KIAA1217: variants seen among roughly 807,000 people sequenced by gnomAD.
KIAA1217 encodes KIAA1217.
KIAA1217 carries 88 observed loss-of-function variants against 163.9 expected under a neutral mutation model. The ratio of observed to expected loss-of-function variants is 0.54; its 90% CI spans 0.45 to 0.64. The LOEUF (loss-of-function observed/expected upper bound fraction) is 0.64. KIAA1217 is among the 30% of genes least tolerant of loss of function. KIAA1217 has a pLI of 0.00. For missense variants in KIAA1217, 2,372 were observed against 2,475.0 expected, an observed-to-expected ratio of 0.96 and a Z score of 0.88; for synonymous variants, 903 against 923.1, an observed-to-expected ratio of 0.98 and a Z score of 0.39.
intron 5 of KIAA1217, among the ~76,000 whole-genome samples, chr10:24,465,186 C>G (rs539729947): frequency 7.9e-5 from 12 of 152,050 alleles, no homozygotes; most frequent in Non-Finnish European, 1.8e-4. Context: ...ATAACAAACC[C>G]TTGCTGATTA....
chr10:23,892,723 A>G (rs1342767082), intron 1 of KIAA1217, among the ~76,000 whole-genome samples: 1 of 152,092 alleles, frequency 6.6e-6, no homozygotes, highest in East Asian at 2.0e-4. Flanking sequence ...CAAGATTCAC[A>G]AATTTGAGAG....
intron 1 of KIAA1217, among the ~76,000 whole-genome samples, chr10:23,872,802 A>G: frequency 6.6e-6 from 1 of 151,990 alleles, no homozygotes; most frequent in East Asian, 1.9e-4. Flanking sequence ...ATTTATATAC[A>G]CTTAATTTTT....
intron 1 of KIAA1217, among the ~76,000 whole-genome samples, chr10:23,720,393 T>C (rs751993726): frequency 5.9e-5 from 9 of 152,208 alleles, no homozygotes; most frequent in Non-Finnish European, 8.8e-5. Context: ...AGGAAATGTC[T>C]AAGTCCTAGA....
At chr10:24,177,664 GA>G (rs907647781) in intron 2 of KIAA1217, among the ~76,000 whole-genome samples, 3 of 151,604 alleles carry the variant, frequency 2.0e-5, no homozygotes, top group Admixed American at 6.6e-5. Flanking sequence ...TCTCAACTCA[GA>G]AAAAAAGTAC....
In KIAA1217 at chr10:24,449,455, G is replaced by A. The variant is rs150735513; in HGVS notation, c.846+10976G>A. 555 of 985,162 alleles carry A rather than the reference G, an allele frequency of 5.6e-4. 1 individual carries two copies. In the African/African-American group the frequency reaches 7.6e-3, roughly 13 times the overall value. 61.0% of individuals were successfully genotyped at this position (985,162 alleles called of 1,614,324 possible). On this transcript the variant is annotated intron_variant, in intron 5 of 20. Coordinates refer to ENST00000376454, the MANE Select transcript of KIAA1217 (RefSeq NM_019590.5). ...AGAACACATGGAAGAAACATTTCTCGTTAGTTCAGCATTGGTTTTAGTTAT... is the reference window on the plus strand; with the variant it reads ...AGAACACATGGAAGAAACATTTCTCATTAGTTCAGCATTGGTTTTAGTTAT...
chr10:23,961,692 T>A (rs1464519547), intron 1 of KIAA1217, among the ~76,000 whole-genome samples: 2 of 152,194 alleles, frequency 1.3e-5, no homozygotes, highest in Non-Finnish European at 2.9e-5. Context: ...AGGTGGTATA[T>A]GAGTTTCAAA....
intron 2 of KIAA1217, among the ~76,000 whole-genome samples, chr10:24,152,584 T>C (rs2064670501): frequency 6.6e-6 from 1 of 152,242 alleles, no homozygotes; most frequent in South Asian, 2.1e-4. Context: ...GCAGAGATTA[T>C]GTTACTTCTG....
chr10:23,879,375 C>G (rs983600455), intron 1 of KIAA1217, among the ~76,000 whole-genome samples: 4 of 151,740 alleles, frequency 2.6e-5, no homozygotes, highest in African/African-American at 7.3e-5. Context: ...ATTTAAAGGT[C>G]AAGGATATGA....
At chr10:23,792,066 T>G (rs1835974210) in intron 1 of KIAA1217, among the ~76,000 whole-genome samples, 1 of 152,218 alleles carries the variant, frequency 6.6e-6, no homozygotes, top group South Asian at 2.1e-4. Flanking sequence ...GTAAAAGCTA[T>G]AAGTGGCCTA....
intron 2 of KIAA1217, among the ~76,000 whole-genome samples, chr10:24,180,683 C>A (rs1216570317): frequency 6.6e-6 from 1 of 152,204 alleles, no homozygotes; most frequent in East Asian, 1.9e-4. Flanking sequence ...GCTTTTCCTT[C>A]CAAATGTTTT....
intron 1 of KIAA1217, among the ~76,000 whole-genome samples, chr10:23,825,612 C>A (rs532673842): frequency 2.7e-4 from 41 of 152,304 alleles, no homozygotes; most frequent in Non-Finnish European, 5.0e-4. Context: ...GATGATGAGA[C>A]AGTTTCCATT....
intron 5 of KIAA1217, among the ~76,000 whole-genome samples, chr10:24,453,254 CTATCTATT>C (rs1213861802): frequency 7.7e-6 from 1 of 130,078 alleles, no homozygotes. Context: ...TAGAAAAACA[CTATCTATT>C]TGACTATCTA....
intron 1 of KIAA1217, among the ~76,000 whole-genome samples, chr10:23,959,810 T>C (rs542690891): frequency 6.6e-6 from 1 of 152,096 alleles, no homozygotes; most frequent in Non-Finnish European, 1.5e-5. Context: ...TGGCATCTCC[T>C]TGTCTTCGAG....
chr10:23,709,084 A>G (rs916153393), intron 1 of KIAA1217, among the ~76,000 whole-genome samples: 1 of 152,196 alleles, frequency 6.6e-6, no homozygotes, highest in Non-Finnish European at 1.5e-5. Flanking sequence ...CTGGAAAAGT[A>G]TAAAGTTTTC....
chr10:24,041,323 T>A (rs1026646865), intron 2 of KIAA1217, among the ~76,000 whole-genome samples: 2 of 152,190 alleles, frequency 1.3e-5, no homozygotes. Flanking sequence ...TTCTGGTATG[T>A]GCTACATGTT....
chr10:23,973,330 C>G (rs1845402570), intron 1 of KIAA1217, among the ~76,000 whole-genome samples: 1 of 152,174 alleles, frequency 6.6e-6, no homozygotes, highest in South Asian at 2.1e-4. Context: ...TGCCTTGCAT[C>G]TATTATTGTG....
Position 24,272,189 on chromosome 10 carries a change from G to A in KIAA1217, c.354+52280G>A, listed in dbSNP as rs143751187. On this transcript the variant is annotated intron_variant, in intron 2 of 20. Transcript: ENST00000376454. ...GCAATGTGTTTATGCAGTAAAATTA[G>A]ATAAGGGAGATTACTAGGGAAGTCA... Among the ~76,000 whole-genome samples, 21 of 152,272 alleles carry A rather than the reference G, an allele frequency of 1.4e-4. 2 individuals are homozygous for A. The highest frequency in any genetic ancestry group is 4.8e-4 in the African/African-American group (20 of 41,548).
intron 1 of KIAA1217, among the ~76,000 whole-genome samples, chr10:23,704,017 G>A (rs907320424): frequency 6.7e-6 from 1 of 150,084 alleles, no homozygotes; most frequent in Non-Finnish European, 1.5e-5. Context: ...GAACATCAGG[G>A]TGGGTCTTTG....
chr10:23,828,479 G>A (rs535252341), intron 1 of KIAA1217, among the ~76,000 whole-genome samples: 4 of 152,284 alleles, frequency 2.6e-5, no homozygotes, highest in Non-Finnish European at 4.4e-5. Flanking sequence ...TTATAACACC[G>A]TGAATGCCAG....
Sources: allele counts gnomAD v4.1 joint callset (sites outside exome capture counted in the v4.1 genomes callset), GRCh38; gene constraint gnomAD v4.1.1; transcripts MANE v1.5; gene names NCBI Gene and HGNC (gene_info 2026-07-23, HGNC 2026-07-21).